IL20RB: variants seen among roughly 807,000 people sequenced by gnomAD.
IL20RB encodes the protein interleukin-20 receptor subunit beta.
Under a neutral mutation model 33.3 loss-of-function variants are expected in IL20RB, and 21 were observed. The ratio of observed to expected loss-of-function variants is 0.63; its 90% CI spans 0.45 to 0.91. The LOEUF (loss-of-function observed/expected upper bound fraction) is 0.91, where lower values mean the gene tolerates loss of function less well. Among genes scored for constraint, IL20RB ranks in the 40% least tolerant of loss-of-function variants. The probability of loss-of-function intolerance (pLI) is 0.00; values close to 1 mark genes in which losing one functional copy is unlikely to be tolerated. For missense variants in IL20RB, 345 were observed against 384.8 expected (o/e 0.90, Z 0.86); for synonymous variants, 147 against 146.8 (o/e 1.00, Z -0.01).
At chr3:136,980,291 C>CT (rs5852860) in intron 1 of IL20RB, 175 bp from the exon 2 acceptor site, 23,209 of 541,454 alleles carry the variant, frequency 0.043, 211 homozygotes, top group South Asian at 0.074. Flanking sequence ...ACATGTGAGG[C>CT]TTTTTTTTTT....
intron 1 of IL20RB, among the ~76,000 whole-genome samples, chr3:136,971,237 T>A (rs909632908): frequency 2.0e-5 from 3 of 152,198 alleles, no homozygotes; most frequent in Non-Finnish European, 4.4e-5. Flanking sequence ...TTCAGGTGAT[T>A]CTCCCGCCTC....
At chr3:136,982,078 G>A in intron 2 of IL20RB, 82 bp from the exon 3 acceptor site, 1 of 1,027,500 alleles carries the variant, frequency 9.7e-7, no homozygotes, top group Non-Finnish European at 1.4e-6. Context: ...CAAAGTAGGT[G>A]AACGAAGTCA....
At chr3:136,987,576 G>T (rs927837787) in intron 3 of IL20RB, among the ~76,000 whole-genome samples, 1 of 152,214 alleles carries the variant, frequency 6.6e-6, no homozygotes, top group Admixed American at 6.5e-5. Context: ...CCAGTCCTGC[G>T]CCCTGCGTCC....
intron 1 of IL20RB, among the ~76,000 whole-genome samples, chr3:136,962,763 A>C (rs1273105749): frequency 6.6e-6 from 1 of 151,526 alleles, no homozygotes; most frequent in Non-Finnish European, 1.5e-5. Context: ...AAAAAAAACA[A>C]AAAACTCAAG....
intron 5 of IL20RB, among the ~76,000 whole-genome samples, chr3:136,994,127 T>C (rs977419914): frequency 7.9e-5 from 12 of 152,304 alleles, no homozygotes; most frequent in African/African-American, 2.9e-4. Flanking sequence ...AATTAGTTTT[T>C]GGAATTAAAA....
chr3:136,990,088 T>C (rs1577026399), intron 4 of IL20RB, among the ~76,000 whole-genome samples: 1 of 152,020 alleles, frequency 6.6e-6, no homozygotes, highest in South Asian at 2.1e-4. Context: ...GGTGGGGTGC[T>C]GCCCTCCCCA....
chr3:136,997,159 C>T (rs1327008966), intron 6 of IL20RB, among the ~76,000 whole-genome samples: 10 of 151,616 alleles, frequency 6.6e-5, no homozygotes, highest in African/African-American at 2.4e-4. Context: ...AGTGCAGTGG[C>T]GCAATCTTGG....
intron 6 of IL20RB, among the ~76,000 whole-genome samples, chr3:137,000,025 C>A (rs1479853822): frequency 6.6e-6 from 1 of 152,104 alleles, no homozygotes; most frequent in African/African-American, 2.4e-5. Flanking sequence ...TGGTGTAGGT[C>A]ACATTTTCCT....
intron 3 of IL20RB, 144 bp downstream of exon 3, chr3:136,982,494 A>G (rs1941802252): frequency 1.8e-6 from 1 of 546,300 alleles, no homozygotes; most frequent in Non-Finnish European, 3.1e-6. Context: ...CCTTACTGGT[A>G]TATTTGAAAA....
chr3:136,966,115 T>C (rs1941343127), intron 1 of IL20RB, among the ~76,000 whole-genome samples: 1 of 139,800 alleles, frequency 7.2e-6, no homozygotes, highest in African/African-American at 2.8e-5. Flanking sequence ...TTATTGAGGA[T>C]TTTTGCATCA....
At chr3:137,003,250 C>A (rs1205502884) in intron 6 of IL20RB, among the ~76,000 whole-genome samples, 3 of 152,104 alleles carry the variant, frequency 2.0e-5, no homozygotes, top group African/African-American at 7.2e-5. Flanking sequence ...CTTGGCAATG[C>A]GGGCTCTTTT....
chr3:136,975,416 G>A (rs900347758), intron 1 of IL20RB, among the ~76,000 whole-genome samples: 6 of 152,124 alleles, frequency 3.9e-5, no homozygotes, highest in Admixed American at 3.9e-4. Flanking sequence ...TTGGCTCACT[G>A]CAACCTCTGC....
intron 1 of IL20RB, among the ~76,000 whole-genome samples, chr3:136,958,962 T>C (rs1201314500): frequency 6.6e-6 from 1 of 152,160 alleles, no homozygotes; most frequent in East Asian, 1.9e-4. Flanking sequence ...TGTGTGTGTG[T>C]GTGTGTTTTA....
intron 3 of IL20RB, chr3:136,986,814 T>C (rs1941911797): frequency 4.4e-6 from 2 of 452,608 alleles, no homozygotes; most frequent in Middle Eastern, 6.2e-4. Flanking sequence ...AGGTGGCGCG[T>C]CTGGAGTCTG....
At chr3:137,008,380 C>G (rs1407803497) in intron 6 of IL20RB, among the ~76,000 whole-genome samples, 3 of 152,200 alleles carry the variant, frequency 2.0e-5, no homozygotes, top group Non-Finnish European at 2.9e-5. Context: ...TCAGCGACAG[C>G]AGGTTGCTAC....
chr3:136,972,031 G>T (rs1941499272), intron 1 of IL20RB, among the ~76,000 whole-genome samples: 1 of 152,088 alleles, frequency 6.6e-6, no homozygotes, highest in Admixed American at 6.5e-5. Flanking sequence ...TAGCCATTCT[G>T]ACCTGGGGTA....
chr3:136,982,916 A>G (rs988231119), intron 3 of IL20RB, among the ~76,000 whole-genome samples: 1 of 152,224 alleles, frequency 6.6e-6, no homozygotes, highest in African/African-American at 2.4e-5. Flanking sequence ...GTGGCTGAGT[A>G]CAAGCACTGG....
intron 1 of IL20RB, among the ~76,000 whole-genome samples, chr3:136,964,659 A>C (rs1446236384): frequency 5.5e-5 from 5 of 91,230 alleles, no homozygotes; most frequent in African/African-American, 1.4e-4. Context: ...GTTCACTCTG[A>C]TGGTAGTTTC....
At chr3:136,990,023 T>C (rs911640713) in intron 4 of IL20RB, among the ~76,000 whole-genome samples, 1 of 152,006 alleles carries the variant, frequency 6.6e-6, no homozygotes, top group Non-Finnish European at 1.5e-5. Flanking sequence ...ATCCAGGAGT[T>C]GGCTTATGAG....
Sources: allele counts gnomAD v4.1 joint callset (sites outside exome capture counted in the v4.1 genomes callset), GRCh38; gene constraint gnomAD v4.1.1; transcripts MANE v1.5; gene names NCBI Gene and HGNC (gene_info 2026-07-23, HGNC 2026-07-21).